GRID1: variants seen among roughly 807,000 people sequenced by gnomAD.
The protein encoded by GRID1 is glutamate ionotropic receptor delta type subunit 1.
In GRID1, 28 loss-of-function variants were observed where a neutral mutation model predicts 98.0. The observed-to-expected ratio is 0.29, with a 90% CI of 0.21 to 0.39. The LOEUF is 0.39. Ranked by LOEUF, GRID1 falls within the 10% of genes least tolerant of loss-of-function variation. The probability of loss-of-function intolerance (pLI) is 1.00; values close to 1 mark genes in which losing one functional copy is unlikely to be tolerated. For missense variants in GRID1, 1,111 were observed against 1,340.5 expected (o/e 0.83, Z 2.67); for synonymous variants, 553 against 538.5 (o/e 1.03, Z -0.37).
At chr10:85,696,055 A>G (rs1178249503) in intron 12 of GRID1, among the ~76,000 whole-genome samples, 2 of 152,146 alleles carry the variant, frequency 1.3e-5, no homozygotes, top group Non-Finnish European at 1.5e-5. Context: ...TTCTTTATAT[A>G]TGGACCATAA....
rs1846542094 is a variant in GRID1, at chr10:86,236,531, A to C, written c.236-29883T>G. Reference sequence around the variant, plus strand: ...TCTTGGCCTTCAACTTGAAGTACCCAGTGCAATACAGATGAGGACCCAGGA... The same window carrying C: ...TCTTGGCCTTCAACTTGAAGTACCCCGTGCAATACAGATGAGGACCCAGGA... On this transcript the variant is annotated intron_variant, in intron 2 of 15. Coordinates refer to ENST00000327946, the MANE Select transcript of GRID1 (RefSeq NM_017551.3). Among the ~76,000 whole-genome samples, 5 of 152,204 alleles carry C rather than the reference A, an allele frequency of 3.3e-5. No individual in the cohort carries two copies. In the South Asian group the frequency reaches 1.0e-3, roughly 32 times the overall value.
intron 3 of GRID1, among the ~76,000 whole-genome samples, chr10:86,147,411 T>G (rs1845104341): frequency 6.6e-6 from 1 of 152,192 alleles, no homozygotes; most frequent in South Asian, 2.1e-4. Flanking sequence ...AGAACAACGC[T>G]GGAGGCATCA....
At chr10:85,612,097 C>G (rs995710741) in intron 15 of GRID1, among the ~76,000 whole-genome samples, 1 of 152,200 alleles carries the variant, frequency 6.6e-6, no homozygotes, top group Non-Finnish European at 1.5e-5. Context: ...AGGGAAGAGA[C>G]AGCATAAGGA....
chr10:86,281,770 A>G (rs1251746590), intron 2 of GRID1, among the ~76,000 whole-genome samples: 1 of 152,076 alleles, frequency 6.6e-6, no homozygotes, highest in East Asian at 1.9e-4. Flanking sequence ...CCAGAAATGC[A>G]ATTTCAATTG....
chr10:85,885,006 A>G (rs1217646241), intron 5 of GRID1, among the ~76,000 whole-genome samples: 3 of 152,224 alleles, frequency 2.0e-5, no homozygotes, highest in African/African-American at 7.2e-5. Context: ...ACCATACTTA[A>G]TAAAAGATTT....
At chr10:85,753,936 G>A (rs1842071933) in intron 8 of GRID1, among the ~76,000 whole-genome samples, 1 of 152,138 alleles carries the variant, frequency 6.6e-6, no homozygotes, top group Admixed American at 6.5e-5. Flanking sequence ...AGGTCATCAG[G>A]CAATCATGGC....
At chr10:86,006,967 C>T (rs1174026574) in intron 4 of GRID1, among the ~76,000 whole-genome samples, 3 of 152,056 alleles carry the variant, frequency 2.0e-5, no homozygotes, top group African/African-American at 4.8e-5. Flanking sequence ...TGGTAAACTA[C>T]CCAGCAGCTC....
intron 3 of GRID1, among the ~76,000 whole-genome samples, chr10:86,187,707 G>A (rs900988654): frequency 2.6e-5 from 4 of 152,200 alleles, no homozygotes; most frequent in Non-Finnish European, 2.9e-5. Context: ...GAGGCATCAC[G>A]CCTGCTCAGG....
At chr10:85,674,994 G>A (rs1461963053) in intron 12 of GRID1, among the ~76,000 whole-genome samples, 2 of 152,126 alleles carry the variant, frequency 1.3e-5, no homozygotes, top group South Asian at 2.1e-4. Context: ...CTGGGTTCAC[G>A]TTCAGTGCAC....
rs1169848417 is a variant in GRID1 at position 86,184,931 on chromosome 10, T to C, written c.520+21433A>G. On this transcript the variant is annotated intron_variant, in intron 3 of 15. Transcript: ENST00000327946. ...ATGTTGTGTTAGTCCTCCAAGTTTA[T>C]TCTTCCTTTTCAAAGTTGTTTTGAC... Among the ~76,000 whole-genome samples the C allele has an allele frequency of 3.3e-5, 5 of 152,328 alleles. No homozygotes were observed. The East Asian group carries it at 9.6e-4, about 29-fold the overall frequency.
rs560796375 is a variant in GRID1 at position 86,134,074 on chromosome 10, G to A, written c.726+4745C>T. Among the ~76,000 whole-genome samples the A allele has an allele frequency of 2.6e-5, 4 of 152,310 alleles. No homozygotes were observed. In the East Asian group the frequency reaches 7.7e-4, roughly 29 times the overall value. ...AGAACCAATAAATAAGAGGTGAAAGGACAAAGCCCTGGAGTCCTCAAAATG... is the reference window on the plus strand; with the variant it reads ...AGAACCAATAAATAAGAGGTGAAAGAACAAAGCCCTGGAGTCCTCAAAATG... On this transcript the variant is annotated intron_variant, in intron 4 of 15. Coordinates refer to ENST00000327946, the MANE Select transcript of GRID1 (RefSeq NM_017551.3).
intron 5 of GRID1, among the ~76,000 whole-genome samples, chr10:85,872,656 C>T (rs540352848): frequency 6.6e-6 from 1 of 152,324 alleles, no homozygotes; most frequent in African/African-American, 2.4e-5. Flanking sequence ...GTGGGCTCAG[C>T]CCCTGCCCCC....
At chr10:86,145,443 T>C (rs1468746212) in intron 3 of GRID1, among the ~76,000 whole-genome samples, 1 of 152,114 alleles carries the variant, frequency 6.6e-6, no homozygotes, top group African/African-American at 2.4e-5. Flanking sequence ...GCATTTTCTA[T>C]TTGTTTTTAC....
At chr10:85,687,908 A>G (rs959914330) in intron 12 of GRID1, among the ~76,000 whole-genome samples, 3 of 152,174 alleles carry the variant, frequency 2.0e-5, no homozygotes, top group African/African-American at 7.2e-5. Context: ...GAGTGAAATG[A>G]CTGTGTTTAA....
At position 85,599,802 on chromosome 10, in the gene GRID1, A is replaced by ATATATATATATAT. The variant is rs1554857296; in HGVS notation, c.*2470_*2471insATATATATATATA. ...GTAGAAAATTCTAAAAAAAAAAAAA[A>ATATATATATATAT]ATATATATATATATATATAAACATG... On this transcript the variant is annotated 3_prime_UTR_variant, in exon 16 of 16. Transcript: ENST00000327946. 8.2e-4 allele frequency: 53 copies of ATATATATATATAT among 64,978 alleles called. No homozygotes were observed. Among genetic ancestry groups the ATATATATATATAT allele is most frequent in the African/African-American group, 1.7e-3 (18 of 10,728 alleles). 4.0% of individuals were successfully genotyped at this position (64,978 alleles called of 1,614,324 possible). A position where few individuals can be genotyped will look rare whatever the true frequency, so the allele number is the denominator to read the frequency against.
At chr10:85,672,539 C>A (rs1189834663) in intron 12 of GRID1, among the ~76,000 whole-genome samples, 1 of 152,108 alleles carries the variant, frequency 6.6e-6, no homozygotes, top group Non-Finnish European at 1.5e-5. Context: ...ATCTCTTGAC[C>A]TCATGATCTG....
At chr10:85,706,054 G>A (rs1841514178) in intron 12 of GRID1, among the ~76,000 whole-genome samples, 1 of 152,158 alleles carries the variant, frequency 6.6e-6, no homozygotes, top group Non-Finnish European at 1.5e-5. Context: ...ACTGGCACAA[G>A]ACAGGGATGC....
At chr10:86,000,806 G>C (rs1011586372) in intron 4 of GRID1, among the ~76,000 whole-genome samples, 8 of 152,158 alleles carry the variant, frequency 5.3e-5, no homozygotes, top group African/African-American at 1.9e-4. Flanking sequence ...AAGTTTGATA[G>C]TTTTAATAAA....
intron 13 of GRID1, among the ~76,000 whole-genome samples, chr10:85,623,004 C>A (rs1319626773): frequency 6.6e-6 from 1 of 152,156 alleles, no homozygotes; most frequent in African/African-American, 2.4e-5. Flanking sequence ...AGGACCCTGA[C>A]AGGGCCAAAT....
Sources: gnomAD v4.1 joint callset for allele counts (sites outside exome capture counted in the v4.1 genomes callset) on GRCh38, gnomAD v4.1.1 for gene constraint, MANE v1.5 for transcripts, NCBI Gene and HGNC (gene_info 2026-07-23, HGNC 2026-07-21) for gene names.